Variants in KCNN2 observed in about 807,000 individuals in gnomAD.
KCNN2 encodes potassium calcium-activated channel subfamily N member 2.
Under a neutral mutation model 55.5 loss-of-function variants are expected in KCNN2, and 24 were observed. The observed-to-expected ratio is 0.43, with a 90% CI of 0.31 to 0.61. The LOEUF (loss-of-function observed/expected upper bound fraction) is 0.61, where lower values mean the gene tolerates loss of function less well. KCNN2 is among the 20% of genes least tolerant of loss of function. The pLI, the probability that KCNN2 is intolerant of heterozygous loss-of-function variation, is 0.08. For synonymous variants in KCNN2, 431 were observed against 336.1 expected (o/e 1.28, Z -3.09); for missense variants, 754 against 853.6 (o/e 0.88, Z 1.45).
chr5:114,073,351 C>T (rs537930787), intron 1 of KCNN2, among the ~76,000 whole-genome samples: 4 of 152,320 alleles, frequency 2.6e-5, no homozygotes, highest in African/African-American at 9.6e-5. Context: ...TCTTACATGG[C>T]TGGCCTATTG....
chr5:114,161,695 T>G (rs1010726885), intron 1 of KCNN2, among the ~76,000 whole-genome samples: 1 of 152,218 alleles, frequency 6.6e-6, no homozygotes, highest in Non-Finnish European at 1.5e-5. Flanking sequence ...GAGGCTTTGT[T>G]AATTTCTCCA....
At chr5:114,373,695 C>CTAAA (rs1757844579) in intron 2 of KCNN2, among the ~76,000 whole-genome samples, 1 of 108,532 alleles carries the variant, frequency 9.2e-6, no homozygotes, top group Non-Finnish European at 2.0e-5. Flanking sequence ...GTGGTAAGGG[C>CTAAA]TATTTACATG....
intron 2 of KCNN2, among the ~76,000 whole-genome samples, chr5:114,265,505 A>C (rs773095619): frequency 8.5e-5 from 13 of 152,320 alleles, no homozygotes; most frequent in Non-Finnish European, 1.6e-4. Context: ...TTCAAGACCC[A>C]GGAAGAGCCA....
At chr5:114,239,660 A>G (rs1754578964) in intron 2 of KCNN2, among the ~76,000 whole-genome samples, 1 of 152,194 alleles carries the variant, frequency 6.6e-6, no homozygotes, top group Non-Finnish European at 1.5e-5. Context: ...TGTTGCTTCC[A>G]GTGGTTACTC....
At chr5:114,240,909 A>G (rs1435083550) in intron 2 of KCNN2, among the ~76,000 whole-genome samples, 1 of 152,222 alleles carries the variant, frequency 6.6e-6, no homozygotes, top group Non-Finnish European at 1.5e-5. Context: ...TAATAATGAA[A>G]TTACACAAGA....
chr5:114,088,698 C>T (rs1314923564), intron 1 of KCNN2, among the ~76,000 whole-genome samples: 4 of 152,160 alleles, frequency 2.6e-5, no homozygotes, highest in African/African-American at 4.8e-5. Flanking sequence ...CAGCTCACTG[C>T]AACCTCTGCC....
At chr5:114,443,543 A>C (rs1760294554) in intron 3 of KCNN2, among the ~76,000 whole-genome samples, 1 of 152,242 alleles carries the variant, frequency 6.6e-6, no homozygotes, top group African/African-American at 2.4e-5. Context: ...GAAGAGTTAA[A>C]AGGGAACAAG....
intron 1 of KCNN2, among the ~76,000 whole-genome samples, chr5:114,103,101 C>T (rs532488670): frequency 6.6e-6 from 1 of 152,250 alleles, no homozygotes; most frequent in African/African-American, 2.4e-5. Flanking sequence ...TTTGTGTCCT[C>T]TCTTATTTCC....
chr5:114,316,170 G>C (rs565310125), intron 2 of KCNN2, among the ~76,000 whole-genome samples: 1 of 152,210 alleles, frequency 6.6e-6, no homozygotes, highest in Non-Finnish European at 1.5e-5. Context: ...ATTGCCAGGA[G>C]CTCTTCTGAC....
intron 5 of KCNN2, among the ~76,000 whole-genome samples, chr5:114,476,943 T>A (rs1239177567): frequency 3.5e-5 from 3 of 85,552 alleles, no homozygotes; most frequent in Non-Finnish European, 9.7e-5. Flanking sequence ...TCCATTTGCT[T>A]ATTTATGGAA....
intron 1 of KCNN2, among the ~76,000 whole-genome samples, chr5:114,142,798 A>G (rs552262135): frequency 2.0e-5 from 3 of 152,320 alleles, no homozygotes; most frequent in Non-Finnish European, 4.4e-5. Flanking sequence ...GCCCAATGTA[A>G]TTTATAGATT....
At chr5:114,295,335 G>A (rs953315421) in intron 2 of KCNN2, among the ~76,000 whole-genome samples, 9 of 152,188 alleles carry the variant, frequency 5.9e-5, no homozygotes, top group African/African-American at 2.2e-4. Context: ...GCCTCCTTGA[G>A]CTGTGTTGGG....
chr5:114,062,315 A>C (rs943477896), intron 1 of KCNN2, among the ~76,000 whole-genome samples: 3 of 152,204 alleles, frequency 2.0e-5, no homozygotes, highest in African/African-American at 4.8e-5. Context: ...CCTGCCAGAC[A>C]TGCAGTGCAG....
intron 2 of KCNN2, among the ~76,000 whole-genome samples, chr5:114,326,206 G>A (rs10066062): frequency 0.01 from 1,572 of 152,266 alleles, 28 homozygotes; most frequent in African/African-American, 0.036. Context: ...ATATTTTAGA[G>A]GGATGGATTA....
At chr5:114,224,519 A>G (rs763187265) in intron 2 of KCNN2, among the ~76,000 whole-genome samples, 14 of 152,202 alleles carry the variant, frequency 9.2e-5, no homozygotes, top group Admixed American at 2.0e-4. Context: ...CATGACAGGA[A>G]TAATTAGGGA....
chr5:114,441,323 C>T (rs1275453068), intron 3 of KCNN2, among the ~76,000 whole-genome samples: 1 of 152,156 alleles, frequency 6.6e-6, no homozygotes, highest in East Asian at 1.9e-4. Flanking sequence ...AGTTAACAAG[C>T]TTAATCTAGC....
At position 114,321,005 on chromosome 5, in the gene KCNN2, T is replaced by A. The variant is rs538272621; in HGVS notation, c.-184-39940T>A. ...AAAGGCTCCAGCTGAGCCCTTAGAATCCTCCCATGCTCCTGCTGTCCCTGT... is the reference window on the plus strand; with the variant it reads ...AAAGGCTCCAGCTGAGCCCTTAGAAACCTCCCATGCTCCTGCTGTCCCTGT... On this transcript the variant is annotated intron_variant, in intron 2 of 10. Coordinates refer to the KCNN2 transcript ENST00000512097. Among the ~76,000 whole-genome samples the A allele has an allele frequency of 2.6e-5, 4 of 152,206 alleles. No individual in the cohort carries two copies. In the East Asian group the frequency reaches 7.7e-4, roughly 29 times the overall value.
At chr5:114,436,664 G>A (rs1451004134) in intron 3 of KCNN2, among the ~76,000 whole-genome samples, 2 of 152,094 alleles carry the variant, frequency 1.3e-5, no homozygotes, top group Non-Finnish European at 2.9e-5. Flanking sequence ...TTAATGAAAC[G>A]TATCTGTACA....
intron 2 of KCNN2, among the ~76,000 whole-genome samples, chr5:114,259,370 C>T (rs1211617606): frequency 2.0e-5 from 3 of 152,138 alleles, no homozygotes; most frequent in Non-Finnish European, 2.9e-5. Context: ...GGGGATCTGG[C>T]GATTTGGAGA....
Sources: gnomAD v4.1 joint callset for allele counts (sites outside exome capture counted in the v4.1 genomes callset) on GRCh38, gnomAD v4.1.1 for gene constraint, MANE v1.5 for transcripts, NCBI Gene and HGNC (gene_info 2026-07-23, HGNC 2026-07-21) for gene names.